Variants in ASB9 observed in about 807,000 individuals in gnomAD.
The protein encoded by ASB9 is ankyrin repeat and SOCS box containing 9.
A neutral mutation model predicts 16.6 loss-of-function variants in ASB9; 5 were observed. That is an observed-to-expected ratio of 0.30 (90% CI 0.16 to 0.63). ASB9 has a LOEUF of 0.63. Among genes scored for constraint, ASB9 ranks in the 30% least tolerant of loss-of-function variants. ASB9 has a pLI of 0.82. For missense variants in ASB9, 216 were observed against 229.4 expected, an observed-to-expected ratio of 0.94 and a Z score of 0.38; for synonymous variants, 100 against 86.4, an observed-to-expected ratio of 1.16 and a Z score of -0.87.
intron 6 of ASB9, 29 bp from the exon 7 acceptor site, chrX:15,244,659 CA>C (rs1569150819): frequency 8.7e-7 from 1 of 1,151,341 alleles, no homozygotes; most frequent in Non-Finnish European, 1.2e-6. Context: ...ACAAGTCATA[CA>C]ATGGTGCTAT....
At position 15,244,525 on chromosome X, in the gene ASB9, T is replaced by A. The variant is rs1387789379; in HGVS notation, c.866A>T (p.Gln289Leu). 7.5e-6 allele frequency: 9 copies of A among 1,196,930 alleles called. No homozygotes were observed. Among genetic ancestry groups the A allele is most frequent in the Non-Finnish European group, 9.1e-6 (8 of 882,496 alleles). ...TKLVLPEDLK[Q>L]FLLHL ...ATGCATTTAAAGATGTAGGAGAAAC[T>A]GTTTCAGATCCTCTGGGAGGACGAG... The change falls in exon 7 of 7, where the codon CAG (glutamine) becomes CTG (leucine). Residue 289 changes from glutamine to leucine, a missense_variant. Gln to Leu is a moderately radical substitution (Grantham distance 113, BLOSUM62 -2). Coordinates refer to ENST00000380488, the MANE Select transcript of ASB9 (RefSeq NM_001031739.3).
chrX:15,265,614 G>A (rs1023259840), intron 1 of ASB9, among the ~76,000 whole-genome samples: 2 of 102,620 alleles, frequency 1.9e-5, no homozygotes, highest in African/African-American at 7.2e-5. Flanking sequence ...CCAGGCCTAC[G>A]ACTTCATCAA....
rs188925496 is a variant in ASB9 at position 15,256,242 on chromosome X, T to C, written c.175-1398A>G. 2.4e-3 allele frequency among the ~76,000 whole-genome samples: 259 copies of C among 110,006 alleles called. 1 individual carries two copies. The highest frequency in any genetic ancestry group is 7.5e-3 in the African/African-American group (227 of 30,301). ...CATTCATTTACATATTGTCTACAACTGCTTTTCTGCTAAACAGCAGAGTTA... is the reference window on the plus strand; with the variant it reads ...CATTCATTTACATATTGTCTACAACCGCTTTTCTGCTAAACAGCAGAGTTA... On this transcript the variant is annotated intron_variant, in intron 2 of 6. Coordinates refer to ENST00000380488, the MANE Select transcript of ASB9 (RefSeq NM_001031739.3).
intron 2 of ASB9, among the ~76,000 whole-genome samples, chrX:15,257,276 G>A (rs928233719): frequency 4.2e-4 from 46 of 110,825 alleles, no homozygotes; most frequent in African/African-American, 1.5e-3. Context: ...GGGCGTGGTG[G>A]CACATGCCTG....
In ASB9 at chrX:15,269,833, C is replaced by A; in HGVS notation, c.42G>T (p.Ala14=). 8.3e-7 allele frequency: 1 copy of A among 1,207,660 alleles called. No individual in the cohort carries two copies. Among genetic ancestry groups the A allele is most frequent in the Non-Finnish European group, 1.1e-6 (1 of 893,628 alleles). Reference sequence around the variant, plus strand: ...TGATGCCAGGAAAGTCCCTTGGCCCCGCGGGCTTGCTCCCATCCATGCCCC... The same window carrying A: ...TGATGCCAGGAAAGTCCCTTGGCCCAGCGGGCTTGCTCCCATCCATGCCCC... ...KQGGMDGSKP[A]GPRDFPGIRL... Residue 14 remains alanine, a synonymous_variant, in exon 1 of 7, where the codon GCG becomes GCT. Coordinates refer to ENST00000380488, the MANE Select transcript of ASB9 (RefSeq NM_001031739.3).
intron 1 of ASB9, among the ~76,000 whole-genome samples, chrX:15,260,469 C>A (rs756502918): frequency 8.9e-6 from 1 of 112,188 alleles, no homozygotes; most frequent in Non-Finnish European, 1.9e-5. Context: ...AGGAAAGAAG[C>A]CTGAAAACCC....
chrX:15,267,770 A>G (rs1347097165), intron 1 of ASB9, among the ~76,000 whole-genome samples: 1 of 104,476 alleles, frequency 9.6e-6, no homozygotes, highest in Non-Finnish European at 2.0e-5. Flanking sequence ...AAAAAAAAAA[A>G]AGAAATTCTT....
At chrX:15,244,709 C>T in intron 6 of ASB9, 79 bp from the exon 7 acceptor site, 1 of 938,719 alleles carries the variant, frequency 1.1e-6, no homozygotes, top group South Asian at 2.6e-5. Flanking sequence ...AAAAAGCATC[C>T]AAGATAGAAC....
intron 1 of ASB9, 54 bp from the exon 2 acceptor site, chrX:15,258,999 G>A (rs1925781737): frequency 6.1e-6 from 6 of 979,560 alleles, no homozygotes; most frequent in Admixed American, 2.3e-5. Flanking sequence ...TAGACCCAGA[G>A]GCTTATCCTT....
At chrX:15,249,436 C>A (rs1165795178) in intron 5 of ASB9, among the ~76,000 whole-genome samples, 3 of 112,216 alleles carry the variant, frequency 2.7e-5, no homozygotes, top group Middle Eastern at 4.6e-3. Flanking sequence ...ATTGGACTGG[C>A]CAATCCCAAG....
intron 3 of ASB9, among the ~76,000 whole-genome samples, chrX:15,254,136 G>A (rs1925349590): frequency 8.9e-6 from 1 of 111,767 alleles, no homozygotes; most frequent in Admixed American, 9.5e-5. Flanking sequence ...TTTTTGGCAT[G>A]GACAAGGTTG....
Position 15,248,829 on chromosome X carries a change from G to A in ASB9, c.675C>T (p.Thr225=). 8.3e-7 allele frequency: 1 copy of A among 1,211,714 alleles called. No individual in the cohort carries two copies. The highest frequency in any genetic ancestry group is 1.1e-6 in the Non-Finnish European group (1 of 895,439). The change falls in exon 6 of 7, where the codon ACC becomes ACT. Residue 225 remains threonine, a synonymous_variant. Coordinates refer to ENST00000380488, the MANE Select transcript of ASB9 (RefSeq NM_001031739.3). The part of the protein sequence containing the change: ...ACLLMDFGAD[T]QAKNAEGKRP... ...GTTTGCCTTCAGCATTCTTGGCCTG[G>A]GTGTCCGCTCCAAAATCCATGAGCA...
intron 1 of ASB9, among the ~76,000 whole-genome samples, chrX:15,267,259 A>C (rs1243820967): frequency 2.9e-5 from 2 of 68,787 alleles, no homozygotes; most frequent in African/African-American, 1.8e-4. Context: ...AAAACACCCC[A>C]AAAAATTAGC....
At chrX:15,253,579 G>A (rs372184316) in intron 3 of ASB9, among the ~76,000 whole-genome samples, 26 of 111,612 alleles carry the variant, frequency 2.3e-4, no homozygotes, top group African/African-American at 7.5e-4. Flanking sequence ...CAGCCTGGGC[G>A]ACAGAGCGAG....
At chrX:15,264,880 G>C (rs899602123) in intron 1 of ASB9, among the ~76,000 whole-genome samples, 1 of 111,979 alleles carries the variant, frequency 8.9e-6, no homozygotes, top group Non-Finnish European at 1.9e-5. Flanking sequence ...TGGCTCAGCT[G>C]GGTGTAGAAG....
chrX:15,266,802 G>A (rs1294913629), intron 1 of ASB9, among the ~76,000 whole-genome samples: 1 of 109,884 alleles, frequency 9.1e-6, no homozygotes, highest in African/African-American at 3.3e-5. Context: ...CGGGCGTGGT[G>A]GCGGGCGCCT....
chrX:15,254,662 G>A (rs947239512), intron 3 of ASB9, 75 bp downstream of exon 3: 18 of 783,226 alleles, frequency 2.3e-5, no homozygotes, highest in Non-Finnish European at 3.1e-5. Context: ...CAAAAGTGCT[G>A]GAAGTTATTC....
At position 15,250,359 on chromosome X, in the gene ASB9, G is replaced by GT; in HGVS notation, c.568+70dup. On this transcript the variant is annotated intron_variant, in intron 5 of 6. Transcript: ENST00000380488. Reference sequence around the variant, plus strand: ...CCACACTAATTTCTCTCCTACAGCAGTAAGATGTTTAAAATACATTTAATT... The same window carrying GT: ...CCACACTAATTTCTCTCCTACAGCAGTTAAGATGTTTAAAATACATTTAATT... The GT allele has an allele frequency of 2.7e-6, 3 of 1,115,632 alleles. No homozygotes were observed. The East Asian group carries it at 9.1e-5, about 34-fold the overall frequency. The allele number at this position is 1,115,632 out of a possible 1,213,427, so 91.9% of individuals were successfully genotyped here.
At chrX:15,258,155 A>G (rs1368803066) in intron 2 of ASB9, among the ~76,000 whole-genome samples, 4 of 112,213 alleles carry the variant, frequency 3.6e-5, no homozygotes, top group East Asian at 2.8e-4. Flanking sequence ...TAGAATACTC[A>G]TTTTATGAAA....
Sources: gnomAD v4.1 joint callset for allele counts (sites outside exome capture counted in the v4.1 genomes callset) on GRCh38, gnomAD v4.1.1 for gene constraint, MANE v1.5 for transcripts, NCBI Gene and HGNC (gene_info 2026-07-23, HGNC 2026-07-21) for gene names.